The following CR1L variants were observed in gnomAD, a reference collection of about 807,000 sequenced individuals.
CR1L encodes the protein complement C3b/C4b receptor 1 like, also known as complement component receptor 1-like protein.
In CR1L, 59 loss-of-function variants were observed where a neutral mutation model predicts 62.3. The ratio of observed to expected loss-of-function variants is 0.95; its 90% CI spans 0.77 to 1.18. CR1L has a LOEUF of 1.18. Among genes scored for constraint, CR1L ranks in the 50% most tolerant of loss-of-function variants. The probability of loss-of-function intolerance (pLI) is 0.00; values close to 1 mark genes in which losing one functional copy is unlikely to be tolerated. For missense variants in CR1L, 700 were observed against 702.8 expected, an observed-to-expected ratio of 1.00 and a Z score of 0.04; for synonymous variants, 279 against 248.7, an observed-to-expected ratio of 1.12 and a Z score of -1.15.
Position 207,700,002 on chromosome 1 carries a change from T to G in CR1L, c.1228+728T>G, listed in dbSNP as rs143594966. Reference sequence around the variant, plus strand: ...TCAAAATATGTACCTAAATAATTTATGCTGAGAGATTCATAAATAATAAGT... The same window carrying G: ...TCAAAATATGTACCTAAATAATTTAGGCTGAGAGATTCATAAATAATAAGT... On this transcript the variant is annotated intron_variant, in intron 8 of 11. Transcript: ENST00000508064. Among the ~76,000 whole-genome samples the G allele has an allele frequency of 4.3e-3, 650 of 152,322 alleles. 6 individuals are homozygous for G. Among genetic ancestry groups the G allele is most frequent in the African/African-American group, 0.015 (616 of 41,572 alleles).
chr1:207,719,261 A>T (rs200164440), intron 11 of CR1L, among the ~76,000 whole-genome samples: 4 of 7,820 alleles, frequency 5.1e-4, no homozygotes, highest in African/African-American at 5.7e-4. Flanking sequence ...AGTATAATTT[A>T]AAAAAAAAAA....
chr1:207,670,596 G>C (rs567651193), intron 1 of CR1L, among the ~76,000 whole-genome samples: 1 of 150,916 alleles, frequency 6.6e-6, no homozygotes, highest in African/African-American at 2.5e-5. Flanking sequence ...GACAACTCAG[G>C]GTTCGTCCTT....
chr1:207,652,449 C>T (rs974141670), intron 1 of CR1L: 23 of 733,170 alleles, frequency 3.1e-5, no homozygotes, highest in Non-Finnish European at 4.9e-5. Context: ...CAAGGGCCTT[C>T]CTATTTTTTC....
Position 207,678,300 on chromosome 1 carries a change from G to A in CR1L, c.377+3G>A, listed in dbSNP as rs769505029. On this transcript the variant is annotated splice_donor_region_variant and intron_variant, in intron 3 of 11. Coordinates refer to ENST00000508064, the MANE Select transcript of CR1L (RefSeq NM_175710.2). ...ATTAAATATTCTTGTCCTAAAGGGT[G>A]AGTTGGCATCTCTTGAACCAACATC... 22 of 1,611,256 alleles carry A rather than the reference G, an allele frequency of 1.4e-5. No homozygotes were observed. In the South Asian group the frequency reaches 1.9e-4, roughly 14 times the overall value.
At chr1:207,680,595 A>C (rs1157301439) in intron 3 of CR1L, among the ~76,000 whole-genome samples, 1 of 152,214 alleles carries the variant, frequency 6.6e-6, no homozygotes, top group Non-Finnish European at 1.5e-5. Flanking sequence ...CTTCCTACCA[A>C]AGAATTGTAT....
intron 1 of CR1L, chr1:207,669,669 G>A: frequency 1.4e-6 from 1 of 700,738 alleles, no homozygotes; most frequent in Admixed American, 3.1e-5. Flanking sequence ...TGCGCGCCCG[G>A]GTCCAAAGGC....
chr1:207,720,675 T>C (rs1654114851), intron 11 of CR1L, among the ~76,000 whole-genome samples: 1 of 152,158 alleles, frequency 6.6e-6, no homozygotes, highest in Admixed American at 6.5e-5. Context: ...TTAATACATA[T>C]AACCCATATT....
At chr1:207,706,013 G>GTATATATATA (rs139294447) in intron 9 of CR1L, among the ~76,000 whole-genome samples, 2,331 of 133,184 alleles carry the variant, frequency 0.018, 36 homozygotes, top group Non-Finnish European at 0.029. Context: ...GTGTGTGTAT[G>GTATATATATA]TATATATATA....
chr1:207,686,181 CTCCTTCCCTCCTTCCCTCCT>C, intron 4 of CR1L, among the ~76,000 whole-genome samples: 1 of 68,562 alleles, frequency 1.5e-5, no homozygotes, highest in Non-Finnish European at 2.9e-5. Flanking sequence ...CCTTCCTTCC[CTCCTTCCCTCCTTCCCTCCT>C]TTCCTTCTCC....
At chr1:207,695,978 G>T (rs1240445784) in intron 5 of CR1L, among the ~76,000 whole-genome samples, 2 of 152,292 alleles carry the variant, frequency 1.3e-5, no homozygotes, top group African/African-American at 2.4e-5. Context: ...TGAGATTTGG[G>T]TGGGGACACA....
intron 1 of CR1L, chr1:207,658,496 G>A (rs1663354540): frequency 1.3e-5 from 2 of 152,232 alleles, no homozygotes; most frequent in African/African-American, 4.8e-5. Flanking sequence ...AGCTGGCAGG[G>A]GCAGTCACTC....
intron 1 of CR1L, among the ~76,000 whole-genome samples, chr1:207,670,726 C>T (rs1023981289): frequency 6.6e-6 from 1 of 151,188 alleles, no homozygotes; most frequent in East Asian, 1.9e-4. Context: ...TCCTTAGGCA[C>T]CAGAAAGTAA....
At chr1:207,705,546 C>T (rs763799956) in intron 9 of CR1L, among the ~76,000 whole-genome samples, 57 of 152,328 alleles carry the variant, frequency 3.7e-4, no homozygotes, top group Non-Finnish European at 5.3e-4. Context: ...AGAAAGGAAG[C>T]TTGTGGTGTC....
At chr1:207,682,267 T>A (rs1244466752) in intron 3 of CR1L, among the ~76,000 whole-genome samples, 1 of 152,044 alleles carries the variant, frequency 6.6e-6, no homozygotes, top group African/African-American at 2.4e-5. Flanking sequence ...AGGTCAGGAA[T>A]TCAAGACCAC....
rs562680877 is a variant in CR1L, at chr1:207,652,389, C to T, written c.97+7059C>T. On this transcript the variant is annotated intron_variant, in intron 1 of 11. Coordinates refer to ENST00000508064, the MANE Select transcript of CR1L (RefSeq NM_175710.2). ...AAACATGCAAATCCCATTTCCTCCA[C>T]TACTACCAGCACTCAGGTAAAAGCA... Among the ~76,000 whole-genome samples, 32 of 152,356 alleles carry T rather than the reference C, an allele frequency of 2.1e-4. 1 individual carries two copies. The South Asian group carries it at 6.6e-3, about 32-fold the overall frequency.
chr1:207,652,716 C>T (rs1663240958), intron 1 of CR1L: 2 of 875,814 alleles, frequency 2.3e-6, no homozygotes, highest in East Asian at 2.4e-5. Flanking sequence ...GGCTACCTGT[C>T]TCAGATGAGC....
chr1:207,700,507 T>C (rs1176025207), intron 8 of CR1L, among the ~76,000 whole-genome samples: 1 of 152,178 alleles, frequency 6.6e-6, no homozygotes, highest in Non-Finnish European at 1.5e-5. Flanking sequence ...GAGTAACAAC[T>C]TGAAACCTGA....
intron 1 of CR1L, among the ~76,000 whole-genome samples, chr1:207,670,097 G>A (rs1474062127): frequency 6.6e-6 from 1 of 150,956 alleles, no homozygotes; most frequent in Admixed American, 6.6e-5. Context: ...GCCTGTCCCC[G>A]AGTCCATTTC....
chr1:207,663,984 T>C (rs1164941072), intron 1 of CR1L, among the ~76,000 whole-genome samples: 2 of 152,242 alleles, frequency 1.3e-5, no homozygotes, highest in Non-Finnish European at 2.9e-5. Flanking sequence ...TGTTATTCTT[T>C]TTTTCTCTTT....
Sources: allele counts gnomAD v4.1 joint callset (sites outside exome capture counted in the v4.1 genomes callset), GRCh38; gene constraint gnomAD v4.1.1; transcripts MANE v1.5; gene names NCBI Gene and HGNC (gene_info 2026-07-23, HGNC 2026-07-21).